The following DOCK2 variants were observed in gnomAD, a reference collection of about 807,000 sequenced individuals.
DOCK2 encodes the protein dedicator of cytokinesis protein 2.
DOCK2 carries 87 observed loss-of-function variants against 248.9 expected under a neutral mutation model. The ratio of observed to expected loss-of-function variants is 0.35; its 90% confidence interval spans 0.29 to 0.42. The LOEUF (loss-of-function observed/expected upper bound fraction) is 0.42. Ranked by LOEUF, DOCK2 falls within the 10% of genes least tolerant of loss-of-function variation. DOCK2 has a pLI of 1.00. For missense variants in DOCK2, 1,747 were observed against 2,300.2 expected, an observed-to-expected ratio of 0.76 and a Z score of 4.92; for synonymous variants, 805 against 821.6, an observed-to-expected ratio of 0.98 and a Z score of 0.35.
intron 47 of DOCK2, 72 bp downstream of exon 47, chr5:170,076,156 A>G (rs1757832351): frequency 1.9e-6 from 3 of 1,559,758 alleles, no homozygotes; most frequent in Non-Finnish European, 2.6e-6. Flanking sequence ...CTGGAGGCTG[A>G]AGTTGGAGGG....
At chr5:169,933,109 G>A (rs1037037012) in intron 27 of DOCK2, among the ~76,000 whole-genome samples, 5 of 152,258 alleles carry the variant, frequency 3.3e-5, no homozygotes, top group East Asian at 3.9e-4. Context: ...CCTTACTCCC[G>A]ACCCTCTCAC....
chr5:169,649,292 G>A (rs2113142759), intron 1 of DOCK2, among the ~76,000 whole-genome samples: 1 of 152,238 alleles, frequency 6.6e-6, no homozygotes, highest in East Asian at 1.9e-4. Flanking sequence ...CCCCAGATGA[G>A]GTACGAATCC....
chr5:169,966,476 G>A (rs987697827), intron 27 of DOCK2, among the ~76,000 whole-genome samples: 1 of 152,184 alleles, frequency 6.6e-6, no homozygotes, highest in Non-Finnish European at 1.5e-5. Flanking sequence ...CTTAGGGAAT[G>A]TAATCACATT....
intron 46 of DOCK2, among the ~76,000 whole-genome samples, chr5:170,074,316 T>C (rs1757773098): frequency 6.6e-6 from 1 of 152,238 alleles, no homozygotes; most frequent in Admixed American, 6.5e-5. Flanking sequence ...TTTGCTTTCT[T>C]CCCTATCTGT....
intron 14 of DOCK2, among the ~76,000 whole-genome samples, chr5:169,704,447 C>T (rs1030423413): frequency 2.0e-5 from 3 of 147,678 alleles, no homozygotes; most frequent in African/African-American, 4.9e-5. Context: ...GGGCCTTGCT[C>T]AGGAGGGGTC....
chr5:169,748,260 G>A (rs944309461), intron 23 of DOCK2, among the ~76,000 whole-genome samples: 12 of 151,908 alleles, frequency 7.9e-5, no homozygotes, highest in Admixed American at 5.2e-4. Flanking sequence ...AATTAATGAC[G>A]TACTAGTGTT....
chr5:169,944,611 T>C (rs1426712997), intron 27 of DOCK2, among the ~76,000 whole-genome samples: 1 of 152,232 alleles, frequency 6.6e-6, no homozygotes, highest in Non-Finnish European at 1.5e-5. Context: ...CCTCTGTGCC[T>C]TGGTTTCCTC....
chr5:169,882,224 A>C (rs921664795), intron 27 of DOCK2, among the ~76,000 whole-genome samples: 2 of 152,190 alleles, frequency 1.3e-5, no homozygotes, highest in African/African-American at 4.8e-5. Flanking sequence ...CCTTCCTGCT[A>C]TCATTTTCCC....
chr5:169,871,895 T>A (rs961662935), intron 27 of DOCK2, among the ~76,000 whole-genome samples: 1 of 152,138 alleles, frequency 6.6e-6, no homozygotes, highest in Non-Finnish European at 1.5e-5. Context: ...AAAAAGGTGC[T>A]CTCCTTCTAA....
At chr5:169,892,251 A>G (rs988811432) in intron 27 of DOCK2, among the ~76,000 whole-genome samples, 14 of 152,270 alleles carry the variant, frequency 9.2e-5, no homozygotes, top group Admixed American at 8.5e-4. Context: ...AACCCCCCTC[A>G]TTATAGAGAT....
rs551038819 is a variant in DOCK2, at chr5:169,689,270, A to G, written c.780A>G (p.Arg260=). 2 of 1,614,108 alleles carry G rather than the reference A, an allele frequency of 1.2e-6. No homozygotes were observed. Among genetic ancestry groups the G allele is most frequent in the Middle Eastern group, 1.7e-4 (1 of 6,058 alleles). Residue 260 remains arginine (R), a synonymous_variant, in exon 9 of 52, where the codon CGA becomes CGG. Coordinates refer to ENST00000520908, the MANE Select transcript of DOCK2 (RefSeq NM_004946.3). ...QTVISENYLV[R]WGSRGFPKEI... Reference sequence around the variant, plus strand: ...CCCACAGTGAGAACTACCTAGTGCGATGGGGCAGCCGGGGCTTCCCTAAGG... The same window carrying G: ...CCCACAGTGAGAACTACCTAGTGCGGTGGGGCAGCCGGGGCTTCCCTAAGG...
At chr5:169,939,769 TC>T (rs1776157929) in intron 27 of DOCK2, among the ~76,000 whole-genome samples, 1 of 152,198 alleles carries the variant, frequency 6.6e-6, no homozygotes, top group African/African-American at 2.4e-5. Flanking sequence ...GGAACTCAGC[TC>T]TATATTAAGG....
At chr5:170,079,307 G>A (rs1228592730) in intron 49 of DOCK2, 161 bp downstream of exon 49, 4 of 994,438 alleles carry the variant, frequency 4.0e-6, no homozygotes, top group African/African-American at 1.6e-5. Context: ...GAGGTGAAGT[G>A]CTTACTCGTG....
chr5:169,716,512 T>A (rs1335068993), intron 20 of DOCK2, among the ~76,000 whole-genome samples: 1 of 152,170 alleles, frequency 6.6e-6, no homozygotes, highest in Non-Finnish European at 1.5e-5. Context: ...GCATTGTGGG[T>A]GAAAGGGGAA....
At chr5:169,750,794 C>T (rs1426386611) in intron 23 of DOCK2, among the ~76,000 whole-genome samples, 1 of 152,126 alleles carries the variant, frequency 6.6e-6, no homozygotes, top group Non-Finnish European at 1.5e-5. Flanking sequence ...GAAAAGTTAT[C>T]GAAGAAGAAT....
chr5:169,934,537 A>AT, intron 27 of DOCK2: 1 of 421,936 alleles, frequency 2.4e-6, no homozygotes, highest in South Asian at 1.7e-5. Context: ...TTCCAGCCTA[A>AT]TTGTATGCGC....
intron 5 of DOCK2, among the ~76,000 whole-genome samples, chr5:169,673,724 A>G (rs1040002199): frequency 2.6e-5 from 4 of 152,030 alleles, no homozygotes; most frequent in Admixed American, 6.5e-5. Flanking sequence ...GACATTAACA[A>G]TATGTGAGAG....
intron 44 of DOCK2, 40 bp downstream of exon 44, chr5:170,057,706 G>A (rs774225604): frequency 8.0e-5 from 123 of 1,544,382 alleles, no homozygotes; most frequent in Admixed American, 1.7e-4. Context: ...CCCTTCCTCC[G>A]ATGGGCAGGG....
At chr5:170,074,572 G>C (rs1253323544) in intron 46 of DOCK2, among the ~76,000 whole-genome samples, 1 of 152,134 alleles carries the variant, frequency 6.6e-6, no homozygotes, top group African/African-American at 2.4e-5. Context: ...GATAATCCCA[G>C]CTGCTACTCT....
Sources: gnomAD v4.1 joint callset for allele counts (sites outside exome capture counted in the v4.1 genomes callset) on GRCh38, gnomAD v4.1.1 for gene constraint, MANE v1.5 for transcripts, NCBI Gene and HGNC (gene_info 2026-07-23, HGNC 2026-07-21) for gene names.